The following TAFA5 variants were observed in gnomAD, a reference collection of about 807,000 sequenced individuals.
TAFA5 encodes the protein chemokine-like protein TAFA-5.
In TAFA5, 6 loss-of-function variants were observed where a neutral mutation model predicts 15.3. That is an observed-to-expected ratio of 0.39 (90% CI 0.21 to 0.77). The LOEUF is 0.77. Ranked by LOEUF, TAFA5 falls within the 30% of genes least tolerant of loss-of-function variation. TAFA5 has a pLI of 0.41. For missense variants in TAFA5, 161 were observed against 193.1 expected, an observed-to-expected ratio of 0.83 and a Z score of 0.98; for synonymous variants, 103 against 80.7, an observed-to-expected ratio of 1.28 and a Z score of -1.48.
chr22:48,562,928 C>T (rs775332340), intron 1 of TAFA5, among the ~76,000 whole-genome samples: 81 of 152,024 alleles, frequency 5.3e-4, no homozygotes, highest in Non-Finnish European at 1.0e-4. Flanking sequence ...CCGGGATGCC[C>T]GTCTGTGCGG....
chr22:48,643,374 A>C (rs1162718736), intron 1 of TAFA5, among the ~76,000 whole-genome samples: 1 of 152,120 alleles, frequency 6.6e-6, no homozygotes, highest in Non-Finnish European at 1.5e-5. Flanking sequence ...CGTCTCGTCC[A>C]TGGAGTTTGG....
chr22:48,725,780 G>A (rs1038449810), intron 3 of TAFA5, among the ~76,000 whole-genome samples: 1 of 150,710 alleles, frequency 6.6e-6, no homozygotes, highest in Non-Finnish European at 1.5e-5. Context: ...GAAGTTGGTA[G>A]ATCTGGAGGA....
intron 3 of TAFA5, among the ~76,000 whole-genome samples, chr22:48,730,199 C>T (rs1276268283): frequency 2.0e-5 from 3 of 152,236 alleles, no homozygotes; most frequent in South Asian, 4.1e-4. Flanking sequence ...CCTGGCCAAC[C>T]TGGTGAAACT....
chr22:48,686,269 T>G (rs965490897), intron 2 of TAFA5, among the ~76,000 whole-genome samples: 83 of 152,076 alleles, frequency 5.5e-4, no homozygotes, highest in Non-Finnish European at 1.0e-3. Context: ...TATAATGGAG[T>G]GCATAGACAG....
At chr22:48,612,237 C>T (rs1480904706) in intron 1 of TAFA5, among the ~76,000 whole-genome samples, 1 of 152,112 alleles carries the variant, frequency 6.6e-6, no homozygotes, top group Admixed American at 6.5e-5. Context: ...AAACAAAGTC[C>T]TTGGCCGCCA....
At chr22:48,579,909 A>C (rs1423633100) in intron 1 of TAFA5, among the ~76,000 whole-genome samples, 2 of 152,150 alleles carry the variant, frequency 1.3e-5, no homozygotes, top group Non-Finnish European at 2.9e-5. Flanking sequence ...GGGAGGGAGA[A>C]CCCAGTGCCT....
intron 3 of TAFA5, among the ~76,000 whole-genome samples, chr22:48,732,141 C>T (rs879393370): frequency 3.3e-5 from 5 of 152,128 alleles, no homozygotes; most frequent in South Asian, 4.1e-4. Context: ...GAAGAGAACT[C>T]GATTTGGAAG....
intron 2 of TAFA5, among the ~76,000 whole-genome samples, chr22:48,690,839 G>A (rs866767115): frequency 9.2e-5 from 14 of 151,898 alleles, no homozygotes; most frequent in African/African-American, 2.4e-4. Context: ...GGCTTGGGGG[G>A]CCGTGCTGCC....
intron 1 of TAFA5, among the ~76,000 whole-genome samples, chr22:48,508,619 A>G (rs73441622): frequency 0.051 from 7,800 of 152,252 alleles, 529 homozygotes; most frequent in African/African-American, 0.16. Flanking sequence ...ACTCAACCCA[A>G]GCGTTCCCTG....
At chr22:48,616,603 C>T (rs1925614599) in intron 1 of TAFA5, among the ~76,000 whole-genome samples, 2 of 152,028 alleles carry the variant, frequency 1.3e-5, no homozygotes, top group African/African-American at 2.4e-5. Context: ...ATTTTGCCTG[C>T]GCATGGAAAC....
chr22:48,591,576 C>T lies in TAFA5; in HGVS notation c.113-55021C>T, dbSNP rs548631174. ...GCTGGCGCAGGGAGTGGGCACTGAC[C>T]GGGGGCGGCCCTGAGGGCTCCAGAT... On this transcript the variant is annotated intron_variant, in intron 1 of 3. Transcript: ENST00000402357. Among the ~76,000 whole-genome samples the T allele has an allele frequency of 5.9e-5, 9 of 152,336 alleles. No homozygotes were observed. In the South Asian group the frequency reaches 8.3e-4, roughly 14 times the overall value.
intron 1 of TAFA5, among the ~76,000 whole-genome samples, chr22:48,568,151 G>A (rs2147136465): frequency 6.6e-6 from 1 of 152,378 alleles, no homozygotes; most frequent in East Asian, 1.9e-4. Flanking sequence ...GAGCCCACAG[G>A]GCCTGCCCAG....
At chr22:48,575,880 T>TGGC (rs1190210205) in intron 1 of TAFA5, among the ~76,000 whole-genome samples, 2 of 132,172 alleles carry the variant, frequency 1.5e-5, no homozygotes, top group Non-Finnish European at 3.3e-5. Context: ...GCGGCGGCGG[T>TGGC]GGCGGCGGCG....
In TAFA5 at chr22:48,650,227, T is replaced by C. The variant is rs563978333; in HGVS notation, c.262+3481T>C. 2.8e-4 allele frequency among the ~76,000 whole-genome samples: 42 copies of C among 152,348 alleles called. No individual in the cohort carries two copies. The East Asian group carries it at 8.1e-3, about 29-fold the overall frequency. ...AAATCGGGGAGGCACTTGCTGCCCC[T>C]ACCGCGTTCCGTGACCACAGGCGCT... On this transcript the variant is annotated intron_variant, in intron 2 of 3. Transcript: ENST00000402357.
rs1569102047 is a variant in TAFA5 at position 48,742,487 on chromosome 22, G to T, written c.391-7352G>T. On this transcript the variant is annotated intron_variant, in intron 3 of 3. Coordinates refer to ENST00000402357, the MANE Select transcript of TAFA5 (RefSeq NM_001082967.3). The surrounding 1 kb of genome is among the most constrained non-coding windows in gnomAD (Gnocchi z 6.2). ...GTGGCGGAGCTGGCGGCGCAGTGGAGCGGGCGTTGTGGTGGACCCGGTGGC... is the reference window on the plus strand; with the variant it reads ...GTGGCGGAGCTGGCGGCGCAGTGGATCGGGCGTTGTGGTGGACCCGGTGGC... Among the ~76,000 whole-genome samples the T allele has an allele frequency of 6.6e-6, 1 of 152,156 alleles. No individual in the cohort carries two copies. Among genetic ancestry groups the T allele is most frequent in the Non-Finnish European group, 1.5e-5 (1 of 68,038 alleles).
At chr22:48,711,476 T>A (rs1273645818) in intron 3 of TAFA5, among the ~76,000 whole-genome samples, 1 of 152,016 alleles carries the variant, frequency 6.6e-6, no homozygotes, top group Non-Finnish European at 1.5e-5. Context: ...GAGAGCCGGC[T>A]CCTAATGGAA....
intron 1 of TAFA5, among the ~76,000 whole-genome samples, chr22:48,512,648 C>T (rs1324383074): frequency 6.6e-6 from 1 of 150,496 alleles, no homozygotes; most frequent in Non-Finnish European, 1.5e-5. Flanking sequence ...CGGCCGGGCG[C>T]GGTGGCTCAT....
intron 1 of TAFA5, among the ~76,000 whole-genome samples, chr22:48,642,918 C>T (rs973187004): frequency 6.6e-6 from 1 of 152,160 alleles, no homozygotes; most frequent in South Asian, 2.1e-4. Flanking sequence ...GCTCCACACA[C>T]CCTGGCTCTT....
intron 3 of TAFA5, among the ~76,000 whole-genome samples, chr22:48,723,180 T>C (rs1929620445): frequency 6.6e-6 from 1 of 152,156 alleles, no homozygotes; most frequent in Admixed American, 6.5e-5. Flanking sequence ...CAGACCCAGA[T>C]AGCAGCACAC....
Sources: allele counts gnomAD v4.1 joint callset (sites outside exome capture counted in the v4.1 genomes callset), GRCh38; gene constraint gnomAD v4.1.1; non-coding constraint Gnocchi (gnomAD v3.1); transcripts MANE v1.5; gene names NCBI Gene and HGNC (gene_info 2026-07-23, HGNC 2026-07-21).